RYR3: variants seen among roughly 807,000 people sequenced by gnomAD.
RYR3 encodes ryanodine receptor 3.
Under a neutral mutation model 584.3 loss-of-function variants are expected in RYR3, and 207 were observed. That is an observed-to-expected ratio of 0.35 (90% CI 0.32 to 0.40). The LOEUF (loss-of-function observed/expected upper bound fraction) is 0.40, where lower values mean the gene tolerates loss of function less well. Ranked by LOEUF, RYR3 falls within the 10% of genes least tolerant of loss-of-function variation. RYR3 has a pLI of 1.00. For missense variants in RYR3, 5,616 were observed against 6,089.2 expected, an observed-to-expected ratio of 0.92 and a Z score of 2.59; for synonymous variants, 2,416 against 2,248.5, an observed-to-expected ratio of 1.07 and a Z score of -2.11.
At chr15:33,757,715 T>A (rs961554632) in intron 60 of RYR3, 119 bp downstream of exon 60, 37 of 1,153,832 alleles carry the variant, frequency 3.2e-5, no homozygotes, top group Admixed American at 7.4e-5. Context: ...TGTTTTGGTT[T>A]GTCATCTGAG....
chr15:33,828,326 C>G (rs546663565), intron 85 of RYR3, among the ~76,000 whole-genome samples: 1 of 152,254 alleles, frequency 6.6e-6, no homozygotes, highest in East Asian at 1.9e-4. Flanking sequence ...ACAGTGGCCT[C>G]CAAGTGTTCA....
chr15:33,856,683 G>A lies in RYR3; in HGVS notation c.14008-1097G>A, dbSNP rs537335275. 1.3e-3 allele frequency: 201 copies of A among 155,880 alleles called. 1 individual carries two copies. The highest frequency in any genetic ancestry group is 4.1e-3 in the African/African-American group (170 of 41,474). The allele number at this position is 155,880 out of a possible 1,614,324, so 9.7% of individuals were successfully genotyped here. On this transcript the variant is annotated intron_variant, in intron 98 of 103. Transcript: ENST00000634891. ...GTTTGTTTGTTTGTTTTTTTGAGAC[G>A]GAGTCTCACTCTGCCACAAGGCTGA...
intron 42 of RYR3, among the ~76,000 whole-genome samples, chr15:33,705,757 T>C (rs541381709): frequency 3.3e-5 from 5 of 152,210 alleles, no homozygotes; most frequent in Non-Finnish European, 5.9e-5. Context: ...CTTTTGACTT[T>C]GGACAGCTGT....
chr15:33,600,318 G>A (rs60290609), intron 16 of RYR3, among the ~76,000 whole-genome samples: 16,198 of 152,072 alleles, frequency 0.11, 1,657 homozygotes, highest in East Asian at 0.57. Context: ...TGGCCACTTT[G>A]AAAGACTGAA....
chr15:33,543,967 G>A (rs1426894192), intron 8 of RYR3, among the ~76,000 whole-genome samples: 1 of 152,100 alleles, frequency 6.6e-6, no homozygotes, highest in Non-Finnish European at 1.5e-5. Flanking sequence ...CTTTGGCTCT[G>A]CACTTAAACA....
intron 10 of RYR3, among the ~76,000 whole-genome samples, chr15:33,553,454 T>C (rs537094041): frequency 6.6e-6 from 1 of 152,158 alleles, no homozygotes; most frequent in Non-Finnish European, 1.5e-5. Flanking sequence ...GCATCTTGTA[T>C]GTGCATAAGA....
chr15:33,460,987 C>G (rs1367577241), intron 1 of RYR3, among the ~76,000 whole-genome samples: 1 of 127,578 alleles, frequency 7.8e-6, no homozygotes, highest in Non-Finnish European at 1.6e-5. Context: ...CTGTGTCGCC[C>G]AGGCTGGAGT....
chr15:33,577,821 G>A (rs1316997993), intron 12 of RYR3, among the ~76,000 whole-genome samples: 4 of 152,158 alleles, frequency 2.6e-5, no homozygotes, highest in South Asian at 2.1e-4. Context: ...TATCATCAGA[G>A]TGAACAGACA....
In RYR3 at chr15:33,465,693, C is replaced by T. The variant is rs1357915998; in HGVS notation, c.52-7726C>T. ...CTGTGTGGAGGACAGCAGTGAGAAA[C>T]AAGTTTGGAGGTGATTACAATAGTT... On this transcript the variant is annotated intron_variant, in intron 1 of 103. Transcript: ENST00000634891. The T allele has an allele frequency of 5.8e-6, 3 of 518,522 alleles. No homozygotes were observed. In the Admixed American group the frequency reaches 5.8e-5, roughly 10 times the overall value. 32.1% of individuals were successfully genotyped at this position (518,522 alleles called of 1,614,324 possible). A position where few individuals can be genotyped will look rare whatever the true frequency, so the allele number is the denominator to read the frequency against.
At chr15:33,456,839 A>T (rs1450303365) in intron 1 of RYR3, among the ~76,000 whole-genome samples, 4 of 152,208 alleles carry the variant, frequency 2.6e-5, no homozygotes, top group Admixed American at 6.5e-5. Context: ...AATAGGGGCC[A>T]TTCTATATCA....
At chr15:33,559,501 C>T (rs1434993238) in intron 10 of RYR3, among the ~76,000 whole-genome samples, 1 of 152,206 alleles carries the variant, frequency 6.6e-6, no homozygotes, top group East Asian at 1.9e-4. Flanking sequence ...TGACAGCCTA[C>T]ACTACCACTT....
At position 33,533,379 on chromosome 15, in the gene RYR3, A is replaced by T. The variant is rs1220568249; in HGVS notation, c.423A>T (p.Glu141Asp). The change falls in exon 5 of 104, where the codon GAA becomes GAT. Residue 141 changes from glutamate to aspartate, a missense_variant. Physicochemically the swap from Glu to Asp is conservative, Grantham distance 45 (BLOSUM62 2). Transcript: ENST00000634891. ...TTGCCTTTGATGTAGGTCTACGGGAACATGCCACAGGTGAGTCAGCATTCC... is the reference window on the plus strand; with the variant it reads ...TTGCCTTTGATGTAGGTCTACGGGATCATGCCACAGGTGAGTCAGCATTCC... The part of the protein sequence containing the change: ...DKLAFDVGLR[E>D]HATGEACWWT... 1 of 1,606,152 alleles carries T rather than the reference A, an allele frequency of 6.2e-7. No homozygotes were observed.
At chr15:33,559,354 G>T (rs1398162430) in intron 10 of RYR3, among the ~76,000 whole-genome samples, 1 of 152,154 alleles carries the variant, frequency 6.6e-6, no homozygotes, top group Non-Finnish European at 1.5e-5. Context: ...GCCATGTGAG[G>T]AGACACAGGA....
intron 1 of RYR3, among the ~76,000 whole-genome samples, chr15:33,427,489 A>G (rs898464735): frequency 5.9e-5 from 9 of 152,234 alleles, no homozygotes; most frequent in African/African-American, 1.4e-4. Flanking sequence ...GCTGCTCACA[A>G]CTACATTTTT....
At chr15:33,647,483 G>A (rs2062168598) in intron 30 of RYR3, 23 bp downstream of exon 30, 1 of 1,559,564 alleles carries the variant, frequency 6.4e-7, no homozygotes, top group Non-Finnish European at 8.8e-7. Flanking sequence ...GCTCAATTAT[G>A]GTTTTAATTA....
intron 21 of RYR3, among the ~76,000 whole-genome samples, chr15:33,628,833 C>A (rs1325773320): frequency 6.6e-6 from 1 of 152,206 alleles, no homozygotes; most frequent in Non-Finnish European, 1.5e-5. Flanking sequence ...AAGTTGTCAT[C>A]TCTGTATGGG....
At chr15:33,849,390 A>C (rs1372185771) in intron 94 of RYR3, 1 of 152,186 alleles carries the variant, frequency 6.6e-6, no homozygotes, top group South Asian at 2.1e-4. Flanking sequence ...AAGCCTTCTC[A>C]GCCTTAGTTT....
chr15:33,426,796 TCA>T (rs1210851037), intron 1 of RYR3, among the ~76,000 whole-genome samples: 2 of 152,170 alleles, frequency 1.3e-5, no homozygotes, highest in Non-Finnish European at 2.9e-5. Flanking sequence ...TTTATATCTC[TCA>T]GTTCTGGAGT....
chr15:33,518,761 G>C (rs1264903728), intron 3 of RYR3, among the ~76,000 whole-genome samples: 1 of 152,194 alleles, frequency 6.6e-6, no homozygotes, highest in African/African-American at 2.4e-5. Context: ...AAGAATGCTT[G>C]GACCTAAGCT....
Sources: gnomAD v4.1 joint callset for allele counts (sites outside exome capture counted in the v4.1 genomes callset) on GRCh38, gnomAD v4.1.1 for gene constraint, MANE v1.5 for transcripts, NCBI Gene and HGNC (gene_info 2026-07-23, HGNC 2026-07-21) for gene names.